Variants in ADGRB3 observed in about 807,000 individuals in gnomAD.
ADGRB3 encodes adhesion G protein-coupled receptor B3.
Under a neutral mutation model 193.4 loss-of-function variants are expected in ADGRB3, and 37 were observed. The ratio of observed to expected loss-of-function variants is 0.19; its 90% CI spans 0.15 to 0.25. ADGRB3 has a LOEUF of 0.25. Among genes scored for constraint, ADGRB3 ranks in the 10% least tolerant of loss-of-function variants. The pLI, the probability that ADGRB3 is intolerant of heterozygous loss-of-function variation, is 1.00. For missense variants in ADGRB3, 1,637 were observed against 1,852.9 expected (o/e 0.88, Z 2.14); for synonymous variants, 690 against 644.2 (o/e 1.07, Z -1.08).
intron 1 of ADGRB3, among the ~76,000 whole-genome samples, chr6:68,637,014 T>G (rs1160935792): frequency 1.3e-5 from 2 of 150,150 alleles, no homozygotes; most frequent in East Asian, 3.9e-4. Flanking sequence ...ACTTTCTCTG[T>G]TTTTTTTTAA....
Position 68,936,623 on chromosome 6 carries a change from C to T in ADGRB3, c.973C>T (p.His325Tyr). ...TRTCVSPYGT[H>Y]CSGPLRESRV... ...AACTTGTGTATCACCTTACGGGACA[C>T]ACTGCAGCGGCCCATTAAGAGAATC... The change falls in exon 5 of 32, where the codon CAC becomes TAC. Residue 325 changes from histidine (H) to tyrosine (Y), a missense_variant. His to Tyr is a moderately conservative substitution (Grantham distance 83). Around this residue, in one of 7 missense-constraint regions of ADGRB3, gnomAD observed 365 missense variants for 409.8 expected, o/e 0.89. Transcript: ENST00000370598. 1 of 1,613,922 alleles carries T rather than the reference C, an allele frequency of 6.2e-7. No individual in the cohort carries two copies. The highest frequency in any genetic ancestry group is 1.1e-5 in the South Asian group (1 of 91,042).
chr6:69,183,144 T>C (rs1468417896), intron 17 of ADGRB3, among the ~76,000 whole-genome samples: 1 of 152,128 alleles, frequency 6.6e-6, no homozygotes, highest in African/African-American at 2.4e-5. Context: ...TTTTTACATT[T>C]TTTTCTAATA....
At chr6:69,203,748 G>A (rs561945856) in intron 17 of ADGRB3, among the ~76,000 whole-genome samples, 5 of 152,028 alleles carry the variant, frequency 3.3e-5, no homozygotes, top group Non-Finnish European at 4.4e-5. Flanking sequence ...TGCATAATCC[G>A]CACAAACTGA....
intron 20 of ADGRB3, among the ~76,000 whole-genome samples, chr6:69,242,794 C>G (rs1766412774): frequency 6.6e-6 from 1 of 151,776 alleles, no homozygotes; most frequent in South Asian, 2.1e-4. Flanking sequence ...AGTGATATTT[C>G]CCTTTTATCT....
At chr6:68,803,524 A>G (rs1207428054) in intron 3 of ADGRB3, among the ~76,000 whole-genome samples, 5 of 152,154 alleles carry the variant, frequency 3.3e-5, no homozygotes, top group Admixed American at 3.3e-4. Context: ...TCACCTTACA[A>G]ATCTTCTACC....
intron 3 of ADGRB3, among the ~76,000 whole-genome samples, chr6:68,803,971 C>G (rs1294635008): frequency 6.6e-6 from 1 of 152,158 alleles, no homozygotes; most frequent in Non-Finnish European, 1.5e-5. Context: ...AAATATTGCT[C>G]ACACTTGATT....
intron 17 of ADGRB3, chr6:69,232,400 T>G (rs896987134): frequency 6.3e-6 from 9 of 1,432,368 alleles, no homozygotes; most frequent in Admixed American, 2.7e-5. Flanking sequence ...GGGTGGGAAA[T>G]AAACCATATG....
At chr6:69,234,327 A>G (rs1209538286) in intron 18 of ADGRB3, among the ~76,000 whole-genome samples, 5 of 152,200 alleles carry the variant, frequency 3.3e-5, no homozygotes, top group East Asian at 1.9e-4. Flanking sequence ...ATCTTTACAT[A>G]TGTTTTAAAA....
intron 3 of ADGRB3, among the ~76,000 whole-genome samples, chr6:68,783,148 C>T (rs2127362119): frequency 6.6e-6 from 1 of 151,490 alleles, no homozygotes; most frequent in East Asian, 1.9e-4. Flanking sequence ...CGGTTTGTTA[C>T]TCCTATTTTA....
chr6:68,707,944 G>C (rs1285085817), intron 3 of ADGRB3, among the ~76,000 whole-genome samples: 1 of 152,152 alleles, frequency 6.6e-6, no homozygotes, highest in Non-Finnish European at 1.5e-5. Context: ...CTGTGCAAGA[G>C]GATGGCTAAG....
intron 13 of ADGRB3, among the ~76,000 whole-genome samples, chr6:69,030,849 C>G (rs781437103): frequency 1.1e-3 from 164 of 151,902 alleles, no homozygotes; most frequent in Non-Finnish European, 7.1e-4. Context: ...CTTCTCTTCT[C>G]TTCTCTTCTC....
intron 17 of ADGRB3, among the ~76,000 whole-genome samples, chr6:69,160,121 T>C (rs751919860): frequency 1.3e-5 from 2 of 152,240 alleles, no homozygotes; most frequent in Non-Finnish European, 2.9e-5. Context: ...TGACAGGTCT[T>C]CCTGATTCAA....
At chr6:68,894,885 G>A (rs1261319997) in intron 3 of ADGRB3, among the ~76,000 whole-genome samples, 3 of 151,594 alleles carry the variant, frequency 2.0e-5, no homozygotes, top group African/African-American at 4.8e-5. Flanking sequence ...AAAATTCAGT[G>A]TTCAGTGTTT....
intron 20 of ADGRB3, among the ~76,000 whole-genome samples, chr6:69,244,254 T>C (rs992516923): frequency 5.9e-5 from 9 of 151,974 alleles, no homozygotes; most frequent in Admixed American, 6.6e-5. Flanking sequence ...TATTTACCTT[T>C]TATAAAGATG....
Position 68,975,096 on chromosome 6 carries a change from A to G in ADGRB3, c.1628-138A>G, listed in dbSNP as rs1009980371. 8 of 724,164 alleles carry G rather than the reference A, an allele frequency of 1.1e-5. No individual in the cohort carries two copies. The East Asian group carries it at 2.2e-4, about 20-fold the overall frequency. The allele number at this position is 724,164 out of a possible 1,614,324, so 44.9% of individuals were successfully genotyped here. ...TGTGACTAATATGCATTATAAAAAT[A>G]ATCAAAATATCAATTTCATGTGCAT... On this transcript the variant is annotated intron_variant, in intron 9 of 31. Coordinates refer to ENST00000370598, the MANE Select transcript of ADGRB3 (RefSeq NM_001704.3).
intron 3 of ADGRB3, among the ~76,000 whole-genome samples, chr6:68,694,590 T>A (rs1330009346): frequency 1.8e-4 from 28 of 151,956 alleles, no homozygotes; most frequent in Admixed American, 1.8e-3. Context: ...CCCTCAATTA[T>A]TTTTCCTATT....
intron 6 of ADGRB3, among the ~76,000 whole-genome samples, chr6:68,953,900 A>G (rs567149465): frequency 1.5e-4 from 23 of 152,322 alleles, no homozygotes; most frequent in African/African-American, 5.3e-4. Flanking sequence ...TTTGTGGTGA[A>G]TTCTCTTTCA....
chr6:68,913,916 T>C (rs1378417099), intron 3 of ADGRB3, among the ~76,000 whole-genome samples: 1 of 151,620 alleles, frequency 6.6e-6, no homozygotes, highest in Non-Finnish European at 1.5e-5. Context: ...CAGGAGCCGA[T>C]GCGATCAACT....
chr6:68,808,372 T>G (rs1767447586), intron 3 of ADGRB3, among the ~76,000 whole-genome samples: 1 of 152,004 alleles, frequency 6.6e-6, no homozygotes, highest in Admixed American at 6.6e-5. Context: ...ACAGGCTTGT[T>G]ACCTCTTTAC....
Sources: allele counts gnomAD v4.1 joint callset (sites outside exome capture counted in the v4.1 genomes callset), GRCh38; gene constraint gnomAD v4.1.1; regional missense constraint gnomAD v4.1.1; transcripts MANE v1.5; gene names NCBI Gene and HGNC (gene_info 2026-07-23, HGNC 2026-07-21).